Variants in ARB2A observed in about 807,000 individuals in gnomAD.
The protein encoded by ARB2A is cotranscriptional regulator ARB2A.
chr5:93,859,775 A>G, the ARB2A span, among the ~76,000 whole-genome samples: 5 of 152,364 alleles, frequency 3.3e-5, no homozygotes, highest in South Asian at 1.0e-3. Flanking sequence ...ATATTATAGT[A>G]TCCAGGCTAG....
At chr5:93,713,547 A>G in the ARB2A span, among the ~76,000 whole-genome samples, 1 of 152,188 alleles carries the variant, frequency 6.6e-6, no homozygotes, top group Non-Finnish European at 1.5e-5. Flanking sequence ...CAAAAGACAG[A>G]CAATAATGAA....
the ARB2A span, among the ~76,000 whole-genome samples, chr5:94,065,002 GA>G: frequency 6.6e-6 from 1 of 151,348 alleles, no homozygotes; most frequent in Admixed American, 6.6e-5. Context: ...AAGAGAAAAA[GA>G]AAAAAACAAA....
the ARB2A span, among the ~76,000 whole-genome samples, chr5:93,760,673 T>C: frequency 2.0e-5 from 3 of 152,298 alleles, no homozygotes; most frequent in Non-Finnish European, 2.9e-5. Context: ...TTTCAACAAA[T>C]GGTGCTGGGA....
At chr5:93,742,769 T>C in the ARB2A span, among the ~76,000 whole-genome samples, 3 of 152,222 alleles carry the variant, frequency 2.0e-5, no homozygotes, top group Non-Finnish European at 2.9e-5. Flanking sequence ...ACAACTCTTC[T>C]TGCTCCTTCT....
chr5:93,849,630 A>G, the ARB2A span, among the ~76,000 whole-genome samples: 2 of 152,162 alleles, frequency 1.3e-5, no homozygotes, highest in Non-Finnish European at 2.9e-5. Context: ...CTAATTGAGG[A>G]ATATAATACT....
chr5:93,908,733 A>T, the ARB2A span, among the ~76,000 whole-genome samples: 10 of 151,032 alleles, frequency 6.6e-5, no homozygotes, highest in African/African-American at 2.4e-4. Context: ...AGGTGAGGGT[A>T]TGTTACCTAA....
the ARB2A span, among the ~76,000 whole-genome samples, chr5:93,742,427 G>C: frequency 7.9e-5 from 12 of 152,044 alleles, no homozygotes; most frequent in Non-Finnish European, 1.6e-4. Context: ...TTTATCCTTA[G>C]GCCCTTATCC....
chr5:93,984,060 A>G, the ARB2A span, among the ~76,000 whole-genome samples: 1 of 152,208 alleles, frequency 6.6e-6, no homozygotes, highest in African/African-American at 2.4e-5. Context: ...CATAATCTAT[A>G]GAATAATATT....
chr5:93,757,505 A>C, the ARB2A span, among the ~76,000 whole-genome samples: 1 of 152,206 alleles, frequency 6.6e-6, no homozygotes, highest in Admixed American at 6.5e-5. Flanking sequence ...TATAAAGAAA[A>C]ACCTATCAGA....
chr5:93,816,634 A>G, the ARB2A span, among the ~76,000 whole-genome samples: 1 of 152,152 alleles, frequency 6.6e-6, no homozygotes, highest in Non-Finnish European at 1.5e-5. Context: ...AACCTGTTCC[A>G]AAGGTAATTC....
the ARB2A span, among the ~76,000 whole-genome samples, chr5:94,005,000 A>G: frequency 9.1e-5 from 9 of 98,964 alleles, no homozygotes; most frequent in South Asian, 3.1e-4. Flanking sequence ...TTTATCAGCA[A>G]AAAAAAAAAA....
At chr5:93,849,962 G>C in the ARB2A span, among the ~76,000 whole-genome samples, 2 of 152,140 alleles carry the variant, frequency 1.3e-5, no homozygotes, top group Admixed American at 1.3e-4. Flanking sequence ...AAAATGCTTA[G>C]TATGTTCTAA....
chr5:93,963,654 C>G, the ARB2A span, among the ~76,000 whole-genome samples: 4 of 151,882 alleles, frequency 2.6e-5, no homozygotes, highest in Non-Finnish European at 5.9e-5. Flanking sequence ...TTCATGCAAA[C>G]AAAATTATCT....
the ARB2A span, among the ~76,000 whole-genome samples, chr5:94,009,832 TA>T: frequency 5.3e-5 from 8 of 152,028 alleles, no homozygotes; most frequent in African/African-American, 1.9e-4. Flanking sequence ...AAGTTATTCA[TA>T]AAATTCTCTA....
At chr5:93,955,650 G>A in the ARB2A span, among the ~76,000 whole-genome samples, 1 of 152,164 alleles carries the variant, frequency 6.6e-6, no homozygotes, top group South Asian at 2.1e-4. Context: ...ATTACAAATA[G>A]TTTCTATAAC....
chr5:93,715,813 A>G, the ARB2A span, among the ~76,000 whole-genome samples: 1 of 152,212 alleles, frequency 6.6e-6, no homozygotes, highest in African/African-American at 2.4e-5. Flanking sequence ...TTGTTAGAAA[A>G]GAAATTTACA....
the ARB2A span, among the ~76,000 whole-genome samples, chr5:93,876,772 A>G: frequency 6.6e-6 from 1 of 152,142 alleles, no homozygotes; most frequent in Admixed American, 6.6e-5. Flanking sequence ...TACTAGATAG[A>G]AATGACTTCA....
chr5:93,653,344 T>G, the ARB2A span, among the ~76,000 whole-genome samples: 1 of 150,554 alleles, frequency 6.6e-6, no homozygotes, highest in Non-Finnish European at 1.5e-5. Context: ...CCATCTCTAC[T>G]AAAAATACAA....
chr5:93,960,686 A>G, the ARB2A span, among the ~76,000 whole-genome samples: 1 of 152,244 alleles, frequency 6.6e-6, no homozygotes, highest in African/African-American at 2.4e-5. Flanking sequence ...TAAAATGGTT[A>G]TAATACTTGC....
Sources: allele counts gnomAD v4.1 joint callset (sites outside exome capture counted in the v4.1 genomes callset), GRCh38; gene constraint gnomAD v4.1.1; transcripts MANE v1.5; gene names NCBI Gene and HGNC (gene_info 2026-07-23, HGNC 2026-07-21).